Variants in SLC7A10 observed in about 807,000 individuals in gnomAD.
SLC7A10 encodes asc-type amino acid transporter 1.
In SLC7A10, 30 loss-of-function variants were observed where a neutral mutation model predicts 52.7. The observed-to-expected ratio is 0.57, with a 90% CI of 0.43 to 0.77. The LOEUF (loss-of-function observed/expected upper bound fraction) is 0.77, where lower values mean the gene tolerates loss of function less well. Among genes scored for constraint, SLC7A10 ranks in the 30% least tolerant of loss-of-function variants. SLC7A10 has a pLI of 0.00. For synonymous variants in SLC7A10, 318 were observed against 314.9 expected, an observed-to-expected ratio of 1.01 and a Z score of -0.10; for missense variants, 581 against 698.5, an observed-to-expected ratio of 0.83 and a Z score of 1.90.
chr19:33,216,869 T>G (rs1194720385), intron 1 of SLC7A10, among the ~76,000 whole-genome samples: 2 of 151,994 alleles, frequency 1.3e-5, no homozygotes, highest in Non-Finnish European at 2.9e-5. Flanking sequence ...CATGAGTCAC[T>G]GTGCCCAGCT....
chr19:33,215,145 A>G (rs186459183), intron 2 of SLC7A10, among the ~76,000 whole-genome samples: 302 of 151,864 alleles, frequency 2.0e-3, no homozygotes, highest in African/African-American at 7.0e-3. Context: ...GCGGGCGCCT[A>G]TAATCCCAGC....
Position 33,225,823 on chromosome 19 carries a change from C to A in SLC7A10, c.-120G>T, listed in dbSNP as rs1974914391. On this transcript the variant is annotated 5_prime_UTR_variant, in exon 1 of 11. Coordinates refer to ENST00000253188, the MANE Select transcript of SLC7A10 (RefSeq NM_019849.3). ...AGCCGGGACAGCGCCCACAGGCGGG[C>A]GCATGCGCTGGCTCCGGGCCCGGGA... The A allele has an allele frequency of 7.6e-6, 9 of 1,180,640 alleles. No individual in the cohort carries two copies. The highest frequency in any genetic ancestry group is 9.7e-6 in the Non-Finnish European group (9 of 931,564). The allele number at this position is 1,180,640 out of a possible 1,614,324, so 73.1% of individuals were successfully genotyped here.
At chr19:33,209,089 C>T (rs1182775292) in intron 10 of SLC7A10, 68 bp from the exon 11 acceptor site, 2 of 1,605,528 alleles carry the variant, frequency 1.2e-6, no homozygotes, top group Admixed American at 1.7e-5. Context: ...GCTCCGGACA[C>T]CTCCCCTTGG....
chr19:33,216,115 G>T, intron 1 of SLC7A10, 142 bp from the exon 2 acceptor site: 1 of 715,994 alleles, frequency 1.4e-6, no homozygotes, highest in Non-Finnish European at 2.3e-6. Flanking sequence ...TGGGCTGGAG[G>T]TGTTGAATGC....
chr19:33,217,999 T>G (rs1974725869), intron 1 of SLC7A10: 1 of 152,116 alleles, frequency 6.6e-6, no homozygotes, highest in African/African-American at 2.4e-5. Flanking sequence ...TAAAGAGCCT[T>G]TGAGTTCCCT....
At chr19:33,217,388 A>G (rs1301999938) in intron 1 of SLC7A10, among the ~76,000 whole-genome samples, 2 of 152,200 alleles carry the variant, frequency 1.3e-5, no homozygotes, top group Non-Finnish European at 2.9e-5. Context: ...AGGATGAGCA[A>G]GACTCTGAGT....
Position 33,210,659 on chromosome 19 carries a change from T to C in SLC7A10, c.1114-43A>G. 1 of 1,610,036 alleles carries C rather than the reference T, an allele frequency of 6.2e-7. No homozygotes were observed. Among genetic ancestry groups the C allele is most frequent in the Non-Finnish European group, 8.5e-7 (1 of 1,179,800 alleles). On this transcript the variant is annotated intron_variant, in intron 8 of 10. Transcript: ENST00000253188. The surrounding 1 kb of genome is among the most constrained non-coding windows in gnomAD (Gnocchi z 5.6). Reference sequence around the variant, plus strand: ...GCTGACGGCTGGCCCCTAGCCTGCCTCCTGACGCCCCTGCAGGATGAGCCC... The same window carrying C: ...GCTGACGGCTGGCCCCTAGCCTGCCCCCTGACGCCCCTGCAGGATGAGCCC...
intron 1 of SLC7A10, chr19:33,220,762 C>T (rs1974795779): frequency 6.6e-6 from 1 of 152,230 alleles, no homozygotes; most frequent in Non-Finnish European, 1.5e-5. Flanking sequence ...CCTCCTTGCC[C>T]CCAGAATGCT....
intron 6 of SLC7A10, 32 bp from the exon 7 acceptor site, chr19:33,211,360 A>G (rs776708217): frequency 6.2e-7 from 1 of 1,613,686 alleles, no homozygotes; most frequent in Admixed American, 1.7e-5. Context: ...GCCATGTGTA[A>G]GGCCGGGGCA....
At chr19:33,216,014 C>G (rs1388470048) in intron 1 of SLC7A10, 41 bp from the exon 2 acceptor site, 5 of 1,493,578 alleles carry the variant, frequency 3.3e-6, no homozygotes, top group East Asian at 2.4e-5. Context: ...CCTGGGGTCC[C>G]CTTCGCAGCC....
Position 33,225,571 on chromosome 19 carries a change from C to T in SLC7A10, c.133G>A (p.Ala45Thr), listed in dbSNP as rs768749104. 1.9e-6 allele frequency: 3 copies of T among 1,596,542 alleles called. No individual in the cohort carries two copies. In the East Asian group the frequency reaches 6.7e-5, roughly 36 times the overall value. Residue 45 changes from alanine to threonine, a missense_variant, in exon 1 of 11, where the codon GCC becomes ACC. Coordinates refer to ENST00000253188, the MANE Select transcript of SLC7A10 (RefSeq NM_019849.3). Reference sequence around the variant, plus strand: ...CGCTCACCGATGATGATGGTGCAGGCGCTCAGCAGCCCGATCTCCTTCTTG... The same window carrying T: ...CGCTCACCGATGATGATGGTGCAGGTGCTCAGCAGCCCGATCTCCTTCTTG... ...ALKKEIGLLSACTIIIGNIIG... is the reference protein window; with the variant it reads ...ALKKEIGLLSTCTIIIGNIIG...
chr19:33,225,463 A>T (rs1974901562), intron 1 of SLC7A10, 90 bp downstream of exon 1: 2 of 1,498,320 alleles, frequency 1.3e-6, no homozygotes, highest in Non-Finnish European at 1.8e-6. Flanking sequence ...GACCCGTCCG[A>T]GCGCCCGGAG....
At position 33,209,373 on chromosome 19, in the gene SLC7A10, C is replaced by T. The variant is rs745502626; in HGVS notation, c.1376G>A (p.Gly459Glu). The T allele has an allele frequency of 1.2e-6, 2 of 1,613,988 alleles. No homozygotes were observed. Among genetic ancestry groups the T allele is most frequent in the South Asian group, 2.2e-5 (2 of 91,070 alleles). Residue 459 changes from glycine (G) to glutamate (E), a missense_variant, in exon 10 of 11, where the codon GGG becomes GAG. Coordinates refer to ENST00000253188, the MANE Select transcript of SLC7A10 (RefSeq NM_019849.3). Reference protein sequence around the residue: ...CGVGVIIILTGVPIFFLGVFW... With the variant: ...CGVGVIIILTEVPIFFLGVFW... The stretch of plus-strand genomic sequence containing the variant: ...CACTCCCAGAAAGAAAATGGGCACC[C>T]CCGTAAGGATGATGATGACGCCGAC...
At chr19:33,223,023 G>A (rs183290154) in intron 1 of SLC7A10, among the ~76,000 whole-genome samples, 32 of 152,246 alleles carry the variant, frequency 2.1e-4, no homozygotes, top group Non-Finnish European at 3.4e-4. Context: ...GAAGCAGGAC[G>A]TTGGCTGGGC....
In SLC7A10 at chr19:33,215,755, T is replaced by C; in HGVS notation, c.356+14A>G. ...AAGAGGGTGTCCCCCTGCCCGCTGGTGCCCCACACTCACCCAGCCAGGCCC... is the reference window on the plus strand; with the variant it reads ...AAGAGGGTGTCCCCCTGCCCGCTGGCGCCCCACACTCACCCAGCCAGGCCC... On this transcript the variant is annotated intron_variant, in intron 2 of 10. Coordinates refer to ENST00000253188, the MANE Select transcript of SLC7A10 (RefSeq NM_019849.3). 1.9e-6 allele frequency: 3 copies of C among 1,550,852 alleles called. No homozygotes were observed. Among genetic ancestry groups the C allele is most frequent in the Non-Finnish European group, 8.7e-7 (1 of 1,146,724 alleles).
chr19:33,215,942 C>T lies in SLC7A10; in HGVS notation c.183G>A (p.Ser61=), dbSNP rs768041462. The T allele has an allele frequency of 1.4e-5, 23 of 1,592,098 alleles. No homozygotes were observed. The highest frequency in any genetic ancestry group is 3.3e-4 in the Middle Eastern group (2 of 6,014). Residue 61 remains serine, a synonymous_variant, in exon 2 of 11, where the codon TCG becomes TCA. Transcript: ENST00000253188. ...CTGAGTGCTCCAGGACCCCCTTGGG[C>T]GAGATGAAGATGCCCGAGCCGATGA... ...GNIIGSGIFI[S]PKGVLEHSGS...
intron 1 of SLC7A10, among the ~76,000 whole-genome samples, chr19:33,224,990 C>A (rs1686612075): frequency 1.3e-5 from 2 of 152,216 alleles, no homozygotes; most frequent in South Asian, 4.1e-4. Context: ...GCTGCCAAAC[C>A]CTGCAGTCAT....
chr19:33,209,943 AT>A (rs11455629), intron 9 of SLC7A10, among the ~76,000 whole-genome samples: 7,076 of 141,898 alleles, frequency 0.05, 193 homozygotes, highest in East Asian at 0.13. Context: ...ATTTTCTTTA[AT>A]TTTTTTTTTT....
chr19:33,215,820 T>G lies in SLC7A10; in HGVS notation c.305A>C (p.Lys102Thr). ...GACGTAGGCGTAGTCCCCGCCAGACTTGGGGATGGCGACTCCCAGCTCTGC... is the reference window on the plus strand; with the variant it reads ...GACGTAGGCGTAGTCCCCGCCAGACGTGGGGATGGCGACTCCCAGCTCTGC... Reference protein sequence around the residue: ...CYAELGVAIPKSGGDYAYVTE... With the variant: ...CYAELGVAIPTSGGDYAYVTE... The change falls in exon 2 of 11, where the codon AAG becomes ACG. Residue 102 changes from lysine (K) to threonine (T), a missense_variant. Transcript: ENST00000253188. 6.3e-7 allele frequency: 1 copy of G among 1,583,758 alleles called. No homozygotes were observed. The highest frequency in any genetic ancestry group is 8.6e-7 in the Non-Finnish European group (1 of 1,165,406).
Sources: allele counts gnomAD v4.1 joint callset (sites outside exome capture counted in the v4.1 genomes callset), GRCh38; gene constraint gnomAD v4.1.1; non-coding constraint Gnocchi (gnomAD v3.1); transcripts MANE v1.5; gene names NCBI Gene and HGNC (gene_info 2026-07-23, HGNC 2026-07-21).